HS3ST3A1: variants seen among roughly 807,000 people sequenced by gnomAD.
HS3ST3A1 encodes heparan sulfate-glucosamine 3-sulfotransferase 3A1.
In HS3ST3A1, 19 loss-of-function variants were observed where a neutral mutation model predicts 25.7. The ratio of observed to expected loss-of-function variants is 0.74; its 90% CI spans 0.52 to 1.08. The LOEUF (loss-of-function observed/expected upper bound fraction) is 1.08, where lower values mean the gene tolerates loss of function less well. HS3ST3A1 is among the 50% of genes least tolerant of loss of function. The probability of loss-of-function intolerance (pLI) is 0.00; values close to 1 mark genes in which losing one functional copy is unlikely to be tolerated. For synonymous variants in HS3ST3A1, 226 were observed against 278.6 expected, an observed-to-expected ratio of 0.81 and a Z score of 1.88; for missense variants, 459 against 594.3, an observed-to-expected ratio of 0.77 and a Z score of 2.37.
intron 1 of HS3ST3A1, among the ~76,000 whole-genome samples, chr17:13,593,128 C>T (rs1016267459): frequency 6.6e-6 from 1 of 151,102 alleles, no homozygotes; most frequent in Admixed American, 6.6e-5. Context: ...AAATTGGGAC[C>T]GTGTTGTCAT....
chr17:13,508,532 G>A lies in HS3ST3A1; in HGVS notation c.600-11714C>T, dbSNP rs1255934520. On this transcript the variant is annotated intron_variant, in intron 1 of 1. Coordinates refer to ENST00000284110, the MANE Select transcript of HS3ST3A1 (RefSeq NM_006042.3). ...ACATTTTCTCTTTCATTGACTCTTA[G>A]AAACAGTAAAAATAAACCAGTAACT... Among the ~76,000 whole-genome samples, 3 of 152,110 alleles carry A rather than the reference G, an allele frequency of 2.0e-5. No homozygotes were observed. The South Asian group carries it at 6.2e-4, about 32-fold the overall frequency.
chr17:13,553,659 T>C (rs565364670), intron 1 of HS3ST3A1, among the ~76,000 whole-genome samples: 2 of 152,340 alleles, frequency 1.3e-5, no homozygotes, highest in South Asian at 4.1e-4. Context: ...CATCCCTTGT[T>C]TTAAAAGCTT....
At chr17:13,570,810 T>C (rs1326338841) in intron 1 of HS3ST3A1, among the ~76,000 whole-genome samples, 1 of 152,234 alleles carries the variant, frequency 6.6e-6, no homozygotes, top group East Asian at 1.9e-4. Flanking sequence ...AATATCCATG[T>C]ATTTTTCACA....
At chr17:13,518,601 T>C (rs942805090) in intron 1 of HS3ST3A1, among the ~76,000 whole-genome samples, 1 of 152,206 alleles carries the variant, frequency 6.6e-6, no homozygotes, top group Non-Finnish European at 1.5e-5. Context: ...TGATACTTAG[T>C]TTATCCATGT....
At chr17:13,536,281 A>T (rs1005403310) in intron 1 of HS3ST3A1, among the ~76,000 whole-genome samples, 3 of 149,356 alleles carry the variant, frequency 2.0e-5, no homozygotes, top group African/African-American at 5.2e-5. Flanking sequence ...GCTATTTTTT[A>T]AAATTTCTGT....
intron 1 of HS3ST3A1, among the ~76,000 whole-genome samples, chr17:13,581,855 G>A (rs370961432): frequency 3.6e-4 from 55 of 152,216 alleles, no homozygotes; most frequent in Non-Finnish European, 7.4e-4. Flanking sequence ...TAATAACAAG[G>A]TACTTTATAT....
intron 1 of HS3ST3A1, among the ~76,000 whole-genome samples, chr17:13,503,170 T>A (rs1401480915): frequency 1.4e-5 from 1 of 72,324 alleles, no homozygotes. Flanking sequence ...CAAGACTCCA[T>A]CTCAAAAAAA....
intron 1 of HS3ST3A1, among the ~76,000 whole-genome samples, chr17:13,585,855 TTTTTTTTTTTTTC>T (rs1908248138): frequency 1.4e-5 from 2 of 140,584 alleles, no homozygotes; most frequent in African/African-American, 2.7e-5. Flanking sequence ...TTTTTTTTTT[TTTTTTTTTTTTTC>T]TGACAGAGTC....
At chr17:13,538,715 G>T (rs949037442) in intron 1 of HS3ST3A1, among the ~76,000 whole-genome samples, 1 of 152,020 alleles carries the variant, frequency 6.6e-6, no homozygotes. Context: ...GAAGTCCCAG[G>T]TGTTTTGGTT....
intron 1 of HS3ST3A1, among the ~76,000 whole-genome samples, chr17:13,579,096 T>C (rs1908031701): frequency 6.6e-6 from 1 of 152,206 alleles, no homozygotes; most frequent in African/African-American, 2.4e-5. Flanking sequence ...ACACGTTTTT[T>C]CATTTTAATG....
intron 1 of HS3ST3A1, among the ~76,000 whole-genome samples, chr17:13,526,170 G>A (rs1906409657): frequency 6.6e-6 from 1 of 151,924 alleles, no homozygotes; most frequent in Admixed American, 6.6e-5. Flanking sequence ...CTGGGGCCCA[G>A]TATCTGAGCT....
chr17:13,589,166 T>C (rs1342613160), intron 1 of HS3ST3A1, among the ~76,000 whole-genome samples: 2 of 152,352 alleles, frequency 1.3e-5, no homozygotes, highest in South Asian at 2.1e-4. Flanking sequence ...TTTTGGTTTT[T>C]AATATGTAAA....
Position 13,574,196 on chromosome 17 carries a change from C to A in HS3ST3A1, c.599+26335G>T, listed in dbSNP as rs8070022. 9.6e-3 allele frequency among the ~76,000 whole-genome samples: 1,426 copies of A among 148,178 alleles called. 8 individuals carry two copies. Among genetic ancestry groups the A allele is most frequent in the Middle Eastern group, 0.014 (4 of 278 alleles). On this transcript the variant is annotated intron_variant, in intron 1 of 1. Transcript: ENST00000284110. ...TCACTCAGGCTGGAGTACAGTGGCGCGATCTCAGCTCACTGCAACCTCCAC... is the reference window on the plus strand; with the variant it reads ...TCACTCAGGCTGGAGTACAGTGGCGAGATCTCAGCTCACTGCAACCTCCAC...
At chr17:13,545,516 G>A (rs1907063573) in intron 1 of HS3ST3A1, among the ~76,000 whole-genome samples, 1 of 152,146 alleles carries the variant, frequency 6.6e-6, no homozygotes, top group Non-Finnish European at 1.5e-5. Flanking sequence ...AGAGGTTTGT[G>A]TATCTTTTGT....
Position 13,601,366 on chromosome 17 carries a change from G to A in HS3ST3A1, c.-237C>T. On this transcript the variant is annotated 5_prime_UTR_variant, in exon 1 of 2. Transcript: ENST00000284110. Reference sequence around the variant, plus strand: ...TCGAGGGAGCGGGAAGGGGAACGCGGGTCCGTGCTTAAGAAACCATCGTCT... The same window carrying A: ...TCGAGGGAGCGGGAAGGGGAACGCGAGTCCGTGCTTAAGAAACCATCGTCT... 1 of 482,646 alleles carries A rather than the reference G, an allele frequency of 2.1e-6. No homozygotes were observed. Among genetic ancestry groups the A allele is most frequent in the Non-Finnish European group, 3.6e-6 (1 of 277,656 alleles). 29.9% of individuals were successfully genotyped at this position (482,646 alleles called of 1,614,324 possible). A position where few individuals can be genotyped will look rare whatever the true frequency, so the allele number is the denominator to read the frequency against.
chr17:13,517,090 T>C (rs1906079597), intron 1 of HS3ST3A1, among the ~76,000 whole-genome samples: 1 of 152,220 alleles, frequency 6.6e-6, no homozygotes, highest in Admixed American at 6.5e-5. Context: ...TGCGTTTTTC[T>C]GAGGGGAAAA....
intron 1 of HS3ST3A1, among the ~76,000 whole-genome samples, chr17:13,531,043 G>A (rs1428008863): frequency 6.6e-6 from 1 of 152,128 alleles, no homozygotes; most frequent in African/African-American, 2.4e-5. Flanking sequence ...TCCTGAGGTC[G>A]ATTCAGTGTC....
intron 1 of HS3ST3A1, among the ~76,000 whole-genome samples, chr17:13,506,855 G>A (rs761670143): frequency 2.7e-5 from 4 of 150,372 alleles, no homozygotes; most frequent in Non-Finnish European, 5.9e-5. Context: ...TCAGGAGTTC[G>A]AGGCCAGCCT....
chr17:13,498,374 C>A (rs1905349928), intron 1 of HS3ST3A1, among the ~76,000 whole-genome samples: 1 of 152,182 alleles, frequency 6.6e-6, no homozygotes, highest in African/African-American at 2.4e-5. Context: ...GCCCCTCTGT[C>A]TTTCAATCCT....
Sources: allele counts gnomAD v4.1 joint callset (sites outside exome capture counted in the v4.1 genomes callset), GRCh38; gene constraint gnomAD v4.1.1; transcripts MANE v1.5; gene names NCBI Gene and HGNC (gene_info 2026-07-23, HGNC 2026-07-21).